SLC39A11: variants seen among roughly 807,000 people sequenced by gnomAD.
SLC39A11 encodes the protein solute carrier family 39 member 11.
A neutral mutation model predicts 36.1 loss-of-function variants in SLC39A11; 33 were observed. That is an observed-to-expected ratio of 0.91 (90% CI 0.69 to 1.22). The LOEUF is 1.22. Ranked by LOEUF, SLC39A11 falls within the 50% of genes most tolerant of loss-of-function variation. SLC39A11 has a pLI of 0.00. For synonymous variants in SLC39A11, 166 were observed against 170.3 expected, an observed-to-expected ratio of 0.97 and a Z score of 0.20; for missense variants, 432 against 430.3, an observed-to-expected ratio of 1.00 and a Z score of -0.03.
intron 3 of SLC39A11, among the ~76,000 whole-genome samples, chr17:73,038,082 G>C (rs555578997): frequency 9.7e-4 from 148 of 152,068 alleles, no homozygotes; most frequent in Non-Finnish European, 1.7e-3. Flanking sequence ...AAATTAGCCA[G>C]ACATGGTGGC....
chr17:72,949,143 GCTTTTTT>G (rs1369348601), intron 4 of SLC39A11, among the ~76,000 whole-genome samples: 100 of 52,568 alleles, frequency 1.9e-3, no homozygotes, highest in African/African-American at 4.2e-3. Context: ...ACACTGGGCA[GCTTTTTT>G]TTTTTTTTTT....
chr17:73,060,096 C>T (rs1162094799), intron 3 of SLC39A11, among the ~76,000 whole-genome samples: 1 of 151,436 alleles, frequency 6.6e-6, no homozygotes. Context: ...GTAATCCCAG[C>T]TACCTGGGAG....
chr17:73,077,427 C>CCT (rs2060359300), intron 3 of SLC39A11, among the ~76,000 whole-genome samples: 1 of 152,238 alleles, frequency 6.6e-6, no homozygotes, highest in South Asian at 2.1e-4. Context: ...GAGCAATTCT[C>CCT]CTGCCTTAGC....
intron 6 of SLC39A11, among the ~76,000 whole-genome samples, chr17:72,743,915 A>G (rs1274753881): frequency 1.3e-5 from 2 of 152,210 alleles, no homozygotes; most frequent in African/African-American, 2.4e-5. Context: ...TGGGTTAGTA[A>G]GTCCGACTGA....
At chr17:72,734,083 A>C (rs1407888145) in intron 7 of SLC39A11, among the ~76,000 whole-genome samples, 1 of 152,056 alleles carries the variant, frequency 6.6e-6, no homozygotes, top group East Asian at 1.9e-4. Context: ...CCTCATGGCT[A>C]CTCAAGTGGG....
chr17:72,832,640 A>G (rs2078334632), intron 6 of SLC39A11, among the ~76,000 whole-genome samples: 1 of 152,248 alleles, frequency 6.6e-6, no homozygotes, highest in Non-Finnish European at 1.5e-5. Flanking sequence ...AGAAAGAAAA[A>G]GAAAATGGAA....
intron 6 of SLC39A11, among the ~76,000 whole-genome samples, chr17:72,766,460 A>ATC (rs1237888275): frequency 6.6e-5 from 10 of 152,270 alleles, no homozygotes; most frequent in African/African-American, 2.4e-4. Flanking sequence ...ACACCACCTC[A>ATC]AGGCCTTGTA....
At chr17:73,076,871 G>C (rs559575436) in intron 3 of SLC39A11, among the ~76,000 whole-genome samples, 1 of 146,650 alleles carries the variant, frequency 6.8e-6, no homozygotes, top group Non-Finnish European at 1.5e-5. Flanking sequence ...AAATTCTCTA[G>C]ACCCGGGTTT....
intron 6 of SLC39A11, among the ~76,000 whole-genome samples, chr17:72,780,708 C>T (rs1052805514): frequency 2.0e-5 from 3 of 152,114 alleles, no homozygotes; most frequent in Non-Finnish European, 4.4e-5. Flanking sequence ...CAAATCATGC[C>T]GGGCGTGGTG....
chr17:72,894,219 GTGCGTGGTGGCGCA>G (rs1242852177), intron 5 of SLC39A11, among the ~76,000 whole-genome samples: 12 of 151,220 alleles, frequency 7.9e-5, no homozygotes, highest in Non-Finnish European at 1.3e-4. Flanking sequence ...AAAATTAGCT[GTGCGTGGTGGCGCA>G]TGCCTGTAAT....
At chr17:72,894,230 C>T (rs113909604) in intron 5 of SLC39A11, among the ~76,000 whole-genome samples, 14,138 of 151,034 alleles carry the variant, frequency 0.094, 991 homozygotes, top group African/African-American at 0.19. Flanking sequence ...TGCGTGGTGG[C>T]GCATGCCTGT....
intron 5 of SLC39A11, among the ~76,000 whole-genome samples, chr17:72,902,305 G>A (rs891737799): frequency 2.0e-5 from 3 of 151,910 alleles, no homozygotes; most frequent in African/African-American, 7.2e-5. Context: ...AAAAAAGGAA[G>A]AGGAGAGGAC....
At chr17:72,773,064 C>T (rs776694152) in intron 6 of SLC39A11, among the ~76,000 whole-genome samples, 5 of 151,562 alleles carry the variant, frequency 3.3e-5, no homozygotes, top group East Asian at 3.9e-4. Flanking sequence ...CTATCTTGGG[C>T]GACAAGAGTG....
chr17:72,808,698 T>G (rs538874891), intron 6 of SLC39A11, among the ~76,000 whole-genome samples: 1 of 152,240 alleles, frequency 6.6e-6, no homozygotes, highest in East Asian at 1.9e-4. Context: ...GAACCTAAGA[T>G]TGGTCTTTTG....
intron 3 of SLC39A11, among the ~76,000 whole-genome samples, chr17:73,032,209 T>C (rs1388309024): frequency 1.7e-5 from 2 of 119,020 alleles, no homozygotes; most frequent in Non-Finnish European, 3.3e-5. Context: ...TTCCTATTCT[T>C]TTTTTTTTTT....
In SLC39A11 at chr17:72,754,418, C is replaced by T. The variant is rs1365300761; in HGVS notation, c.602-17699G>A. Among the ~76,000 whole-genome samples, 6 of 151,906 alleles carry T rather than the reference C, an allele frequency of 3.9e-5. No individual in the cohort carries two copies. The East Asian group carries it at 5.8e-4, about 15-fold the overall frequency. ...AGAACTTACTCATGTAACCAAACACCGTCGCTTCCCCAAAAACCTATGGAA... is the reference window on the plus strand; with the variant it reads ...AGAACTTACTCATGTAACCAAACACTGTCGCTTCCCCAAAAACCTATGGAA... On this transcript the variant is annotated intron_variant, in intron 6 of 9. Coordinates refer to ENST00000255559, the MANE Select transcript of SLC39A11 (RefSeq NM_139177.4).
intron 4 of SLC39A11, among the ~76,000 whole-genome samples, chr17:72,993,123 T>A (rs918690363): frequency 5.9e-5 from 9 of 152,100 alleles, no homozygotes; most frequent in African/African-American, 2.2e-4. Flanking sequence ...GAGCCACAAT[T>A]CAAGATGAGA....
intron 5 of SLC39A11, among the ~76,000 whole-genome samples, chr17:72,850,170 T>C (rs8074898): frequency 0.52 from 79,767 of 152,092 alleles, 21,389 homozygotes; most frequent in Middle Eastern, 0.58. Flanking sequence ...TTGACTAGGC[T>C]GAGCATGGTC....
chr17:72,691,629 C>T (rs1490237812), intron 7 of SLC39A11, among the ~76,000 whole-genome samples: 2 of 152,142 alleles, frequency 1.3e-5, no homozygotes, highest in African/African-American at 2.4e-5. Context: ...AGATGAATTC[C>T]ACTAACATGG....
Sources: allele counts gnomAD v4.1 joint callset (sites outside exome capture counted in the v4.1 genomes callset), GRCh38; gene constraint gnomAD v4.1.1; transcripts MANE v1.5; gene names NCBI Gene and HGNC (gene_info 2026-07-23, HGNC 2026-07-21).